The following GGH variants were observed in gnomAD, a reference collection of about 807,000 sequenced individuals.
The protein encoded by GGH is gamma-glutamyl hydrolase.
A neutral mutation model predicts 39.2 loss-of-function variants in GGH; 18 were observed. The ratio of observed to expected loss-of-function variants is 0.46; its 90% CI spans 0.32 to 0.68. GGH has a LOEUF of 0.68. Ranked by LOEUF, GGH falls within the 30% of genes least tolerant of loss-of-function variation. The pLI is 0.04. For missense variants in GGH, 367 were observed against 384.1 expected (o/e 0.96, Z 0.37); for synonymous variants, 147 against 138.8 (o/e 1.06, Z -0.42).
Position 63,026,160 on chromosome 8 carries a change from C to G in GGH, c.497G>C (p.Gly166Ala). ...VDVAMPLNFT[G>A]GQLHSRMFQN... ...AGGGTTGAAAAGAGTACTCTTACCT[C>G]CAGTGAAGTTCAGCGGCATTGCCAC... The change falls in exon 5 of 9, where the codon GGA (glycine) becomes GCA (alanine). Residue 166 changes from glycine to alanine, a missense_variant and splice_region_variant. Transcript: ENST00000260118. The G allele has an allele frequency of 6.3e-7, 1 of 1,595,318 alleles. No homozygotes were observed.
chr8:63,031,682 C>T (rs1272863157), intron 2 of GGH, among the ~76,000 whole-genome samples: 2 of 152,124 alleles, frequency 1.3e-5, no homozygotes, highest in Non-Finnish European at 2.9e-5. Context: ...AGTTTTGGTC[C>T]CCATTTATCT....
intron 8 of GGH, among the ~76,000 whole-genome samples, 199 bp from the exon 9 acceptor site, chr8:63,015,652 A>AAG (rs1563665351): frequency 1.3e-5 from 2 of 151,824 alleles, no homozygotes; most frequent in African/African-American, 4.8e-5. Flanking sequence ...AAAAAAAAAA[A>AAG]AAGAAGAAGA....
chr8:63,033,200 GTACACTGTAACAGTTGATAAAAA>G (rs1804837555), intron 2 of GGH, among the ~76,000 whole-genome samples: 1 of 152,192 alleles, frequency 6.6e-6, no homozygotes, highest in South Asian at 2.1e-4. Context: ...ATCTTGGGTG[GTACACTGTAACAGTTGATAAAAA>G]TACACTGACA....
rs899015218 is a variant in GGH at position 63,024,333 on chromosome 8, T to C, written c.500-147A>G. 1.8e-5 allele frequency: 10 copies of C among 548,006 alleles called. No individual in the cohort carries two copies. The South Asian group carries it at 2.8e-4, about 15-fold the overall frequency. 33.9% of individuals were successfully genotyped at this position (548,006 alleles called of 1,614,324 possible). On this transcript the variant is annotated intron_variant, in intron 5 of 8. Coordinates refer to ENST00000260118, the MANE Select transcript of GGH (RefSeq NM_003878.3). ...GCAAAACACATCATTTCCATAGAAG[T>C]ATTCCAATCAAGTCACAAAATGTGT...
At chr8:63,018,252 T>G (rs537313420) in intron 7 of GGH, among the ~76,000 whole-genome samples, 153 of 152,288 alleles carry the variant, frequency 1.0e-3, no homozygotes, top group African/African-American at 3.6e-3. Flanking sequence ...TCTCTATGTT[T>G]ACATACTCAT....
chr8:63,025,719 A>T (rs1270418703), intron 5 of GGH, among the ~76,000 whole-genome samples: 2 of 152,028 alleles, frequency 1.3e-5, no homozygotes, highest in East Asian at 1.9e-4. Flanking sequence ...TGACAGAGAG[A>T]GACTCTGTCT....
intron 3 of GGH, among the ~76,000 whole-genome samples, chr8:63,027,656 A>G (rs1804719015): frequency 6.6e-6 from 1 of 152,196 alleles, no homozygotes; most frequent in Non-Finnish European, 1.5e-5. Context: ...TTGCAGGTCC[A>G]TAATTATGGG....
chr8:63,026,141 G>T lies in GGH; in HGVS notation c.499+17C>A. 1.3e-6 allele frequency: 2 copies of T among 1,562,718 alleles called. No homozygotes were observed. Among genetic ancestry groups the T allele is most frequent in the South Asian group, 1.2e-5 (1 of 82,238 alleles). ...CCCAGCAAATATTTTTCAAAGGGTTGAAAAGAGTACTCTTACCTCCAGTGA... is the reference window on the plus strand; with the variant it reads ...CCCAGCAAATATTTTTCAAAGGGTTTAAAAGAGTACTCTTACCTCCAGTGA... On this transcript the variant is annotated intron_variant, in intron 5 of 8. Transcript: ENST00000260118.
intron 3 of GGH, 110 bp from the exon 4 acceptor site, chr8:63,027,375 A>G: frequency 1.7e-6 from 1 of 594,850 alleles, no homozygotes; most frequent in Non-Finnish European, 3.0e-6. Context: ...TTACATATGC[A>G]ATAAGATCCT....
At position 63,031,542 on chromosome 8, in the gene GGH, G is replaced by A. The variant is rs369494434; in HGVS notation, c.225-1325C>T. Among the ~76,000 whole-genome samples the A allele has an allele frequency of 1.6e-3, 242 of 152,280 alleles. 8 individuals carry two copies. In the South Asian group the frequency reaches 0.046, roughly 29 times the overall value. ...ATTTAAACCAAAATGGGCAACCATC[G>A]CCATCAGGGACCAAAATGGATTTAG... On this transcript the variant is annotated intron_variant, in intron 2 of 8. Coordinates refer to ENST00000260118, the MANE Select transcript of GGH (RefSeq NM_003878.3).
At chr8:63,035,887 G>GA in intron 1 of GGH, 117 bp from the exon 2 acceptor site, 1 of 961,986 alleles carries the variant, frequency 1.0e-6, no homozygotes, top group East Asian at 2.7e-5. Flanking sequence ...AATTAAATAG[G>GA]AAGTCTCTCC....
chr8:63,019,496 G>A (rs770731640), intron 7 of GGH, among the ~76,000 whole-genome samples: 27 of 152,108 alleles, frequency 1.8e-4, no homozygotes, highest in Admixed American at 1.7e-3. Context: ...GATAAAACAC[G>A]GTTTTACCAG....
chr8:63,018,711 G>T (rs948477643), intron 7 of GGH, among the ~76,000 whole-genome samples: 1 of 152,134 alleles, frequency 6.6e-6, no homozygotes, highest in African/African-American at 2.4e-5. Context: ...ACAGGCTGGG[G>T]GACTAGGAAA....
At chr8:63,020,032 A>C (rs1314478787) in intron 7 of GGH, among the ~76,000 whole-genome samples, 2 of 152,208 alleles carry the variant, frequency 1.3e-5, no homozygotes, top group African/African-American at 4.8e-5. Flanking sequence ...TTATTTTGAG[A>C]AATAAAGTTT....
At chr8:63,038,804 TGCGG>T (rs767556657) in exon 1 of GGH, 2 of 1,337,704 alleles carry the variant, frequency 1.5e-6, no homozygotes, top group Non-Finnish European at 2.0e-6. Flanking sequence ...TCAAAAGCTC[TGCGG>T]GCGGGCGGGG....
At chr8:63,035,963 A>G (rs750120283) in intron 1 of GGH, among the ~76,000 whole-genome samples, 193 bp from the exon 2 acceptor site, 1 of 151,818 alleles carries the variant, frequency 6.6e-6, no homozygotes, top group Non-Finnish European at 1.5e-5. Flanking sequence ...AAGTAGATCT[A>G]TCTCTCACCT....
chr8:63,019,455 T>C (rs749768690), intron 7 of GGH, among the ~76,000 whole-genome samples: 6 of 152,208 alleles, frequency 3.9e-5, no homozygotes, highest in Non-Finnish European at 8.8e-5. Flanking sequence ...ATCAAGATCC[T>C]AGAGCATTAC....
chr8:63,038,749 A>T lies in GGH; in HGVS notation c.20T>A (p.Leu7Gln), dbSNP rs776968253. MASPGC[L>Q]LCVLGLLLCG... ...GAGTAGCAGGCCCAGCACGCACAGC[A>T]GGCAGCCCGGACTGGCCATGGCGCT... is the stretch of plus-strand genomic sequence containing the variant. Residue 7 changes from leucine to glutamine, a missense_variant, in exon 1 of 9, where the codon CTG becomes CAG. Transcript: ENST00000260118. The T allele has an allele frequency of 1.4e-5, 22 of 1,575,626 alleles. No individual in the cohort carries two copies. The highest frequency in any genetic ancestry group is 1.9e-5 in the Non-Finnish European group (22 of 1,163,598).
In GGH at chr8:63,017,633, G is replaced by A. The variant is rs1361395926; in HGVS notation, c.698-3C>T. 6.4e-7 allele frequency: 1 copy of A among 1,555,098 alleles called. No homozygotes were observed. Among genetic ancestry groups the A allele is most frequent in the South Asian group, 1.2e-5 (1 of 84,498 alleles). ...ACCATATACTGGATACTTATATCCT[G>A]TAAGAAGAACACAAATTAGTAAGTA... is the stretch of plus-strand genomic sequence containing the variant. On this transcript the variant is annotated splice_region_variant and splice_polypyrimidine_tract_variant and intron_variant, in intron 7 of 8. Transcript: ENST00000260118.
Sources: gnomAD v4.1 joint callset for allele counts (sites outside exome capture counted in the v4.1 genomes callset) on GRCh38, gnomAD v4.1.1 for gene constraint, MANE v1.5 for transcripts, NCBI Gene and HGNC (gene_info 2026-07-23, HGNC 2026-07-21) for gene names.